Variants in POLR1E observed in about 807,000 individuals in gnomAD.
POLR1E encodes the protein RNA polymerase I subunit E.
Under a neutral mutation model 50.9 loss-of-function variants are expected in POLR1E, and 37 were observed. The observed-to-expected ratio is 0.73, with a 90% confidence interval of 0.56 to 0.96. POLR1E has a LOEUF of 0.96. Among genes scored for constraint, POLR1E ranks in the 40% least tolerant of loss-of-function variants. POLR1E has a pLI of 0.00. For missense variants in POLR1E, 426 were observed against 518.1 expected (o/e 0.82, Z 1.73); for synonymous variants, 166 against 191.6 (o/e 0.87, Z 1.10).
At chr9:37,486,224 G>A (rs1820572167) in intron 1 of POLR1E, 101 bp downstream of exon 1, 4 of 1,419,600 alleles carry the variant, frequency 2.8e-6, no homozygotes, top group Non-Finnish European at 1.9e-6. Context: ...CTCCCCAGCG[G>A]GGCCGGGACC....
At chr9:37,492,962 G>C (rs185726336) in intron 5 of POLR1E, among the ~76,000 whole-genome samples, 15 of 152,268 alleles carry the variant, frequency 9.9e-5, no homozygotes, top group Admixed American at 9.8e-4. Flanking sequence ...CGGTTCTCTG[G>C]GCTGATACAA....
At chr9:37,486,569 G>C (rs766905736) in intron 1 of POLR1E, 134 bp from the exon 2 acceptor site, 2 of 1,604,862 alleles carry the variant, frequency 1.2e-6, no homozygotes, top group Non-Finnish European at 1.7e-6. Context: ...AGTTCCCTTT[G>C]GGTCAGGACC....
chr9:37,486,319 T>C lies in POLR1E; in HGVS notation c.76+196T>C, dbSNP rs943383021. ...ACTACCTCCCAGCCAGATTGGGACATCCCACTCACCCGCTCCCCAGAGCTG... is the reference window on the plus strand; with the variant it reads ...ACTACCTCCCAGCCAGATTGGGACACCCCACTCACCCGCTCCCCAGAGCTG... On this transcript the variant is annotated intron_variant, in intron 1 of 11. Transcript: ENST00000377798. The C allele has an allele frequency of 9.8e-6, 13 of 1,326,482 alleles. No individual in the cohort carries two copies. The African/African-American group carries it at 1.9e-4, about 20-fold the overall frequency. 82.2% of individuals were successfully genotyped at this position (1,326,482 alleles called of 1,614,324 possible). A position where few individuals can be genotyped will look rare whatever the true frequency, so the allele number is the denominator to read the frequency against.
chr9:37,486,555 C>A (rs1820580219), intron 1 of POLR1E, 148 bp from the exon 2 acceptor site: 1 of 1,593,296 alleles, frequency 6.3e-7, no homozygotes, highest in South Asian at 1.1e-5. Flanking sequence ...CCCGGATCTC[C>A]TCCAGTTCCC....
chr9:37,502,892 G>A (rs947969739), intron 11 of POLR1E, 151 bp from the exon 12 acceptor site: 3 of 772,932 alleles, frequency 3.9e-6, no homozygotes, highest in Non-Finnish European at 6.1e-6. Flanking sequence ...GACCTTGCCT[G>A]CCTCTCTGCC....
intron 7 of POLR1E, 28 bp from the exon 8 acceptor site, chr9:37,495,862 T>C (rs554470455): frequency 1.3e-6 from 2 of 1,530,810 alleles, no homozygotes; most frequent in Admixed American, 1.7e-5. Flanking sequence ...TCTATTTTGG[T>C]TGGATTATAT....
rs3739575 is a variant in POLR1E at position 37,492,724 on chromosome 9, G to A, written c.402+9G>A. 159,629 of 1,611,964 alleles carry A rather than the reference G, an allele frequency of 0.099. 8,647 individuals carry two copies. Among genetic ancestry groups the A allele is most frequent in the East Asian group, 0.16 (7,101 of 44,840 alleles). ...AAACTTACAGAGAAAAGGTGAGTGTGATAGAATTAAGATGTGGGACCTTAA... is the reference window on the plus strand; with the variant it reads ...AAACTTACAGAGAAAAGGTGAGTGTAATAGAATTAAGATGTGGGACCTTAA... On this transcript the variant is annotated intron_variant, in intron 5 of 11. Transcript: ENST00000377798.
At chr9:37,496,424 G>A (rs1379833410) in intron 8 of POLR1E, among the ~76,000 whole-genome samples, 1 of 151,954 alleles carries the variant, frequency 6.6e-6, no homozygotes, top group East Asian at 1.9e-4. Context: ...AAATAATTCA[G>A]AGATTATTTC....
chr9:37,487,288 G>A (rs1820594059), intron 2 of POLR1E, among the ~76,000 whole-genome samples: 1 of 152,226 alleles, frequency 6.6e-6, no homozygotes, highest in East Asian at 1.9e-4. Context: ...GCCACGTGGG[G>A]AAGAGTACAG....
chr9:37,496,626 T>TTC (rs1820791346), intron 8 of POLR1E, among the ~76,000 whole-genome samples: 2 of 85,686 alleles, frequency 2.3e-5, no homozygotes, highest in African/African-American at 9.1e-5. Context: ...ATTATTTCTT[T>TTC]TTTTTTTTTT....
intron 5 of POLR1E, among the ~76,000 whole-genome samples, chr9:37,493,230 G>C (rs534842834): frequency 6.6e-6 from 1 of 152,266 alleles, no homozygotes; most frequent in African/African-American, 2.4e-5. Context: ...GTCTGTTACG[G>C]GTGTAAGATG....
At chr9:37,502,607 T>A (rs1820910252) in intron 11 of POLR1E, among the ~76,000 whole-genome samples, 4 of 152,222 alleles carry the variant, frequency 2.6e-5, no homozygotes. Context: ...AACACACCTC[T>A]GTCTGGACTC....
chr9:37,490,776 C>T lies in POLR1E; in HGVS notation c.343+1376C>T, dbSNP rs141942870. On this transcript the variant is annotated intron_variant, in intron 4 of 11. Coordinates refer to ENST00000377798, the MANE Select transcript of POLR1E (RefSeq NM_022490.4). ...ACAGTACCCATTCCCTTGATGTCTA[C>T]GATATCACCTTTCTTATAGATTCAC... The T allele has an allele frequency of 2.7e-3, 1,690 of 632,536 alleles. 21 individuals are homozygous for T. In the African/African-American group the frequency reaches 0.027, roughly 10 times the overall value. The allele number at this position is 632,536 out of a possible 1,614,324, so 39.2% of individuals were successfully genotyped here. A position where few individuals can be genotyped will look rare whatever the true frequency, so the allele number is the denominator to read the frequency against.
chr9:37,485,995 C>T lies in POLR1E; in HGVS notation c.-53C>T, dbSNP rs1027828606. On this transcript the variant is annotated 5_prime_UTR_variant, in exon 1 of 12. Transcript: ENST00000377798. ...CTGGGCTCCCGCGTGTTTAAAAGTG[C>T]GCTTGTGGCTGCTGCTGTCTTAACT... The T allele has an allele frequency of 4.3e-5, 67 of 1,570,318 alleles. No homozygotes were observed. In the South Asian group the frequency reaches 6.9e-4, roughly 16 times the overall value.
Position 37,493,658 on chromosome 9 carries a change from G to A in POLR1E, c.502G>A (p.Val168Met). The A allele has an allele frequency of 6.2e-7, 1 of 1,608,082 alleles. No individual in the cohort carries two copies. Among genetic ancestry groups the A allele is most frequent in the Non-Finnish European group, 8.5e-7 (1 of 1,176,692 alleles). ...TGGCAATGAATCTTTGAATCGTGCAGTGGCTAAAGCTGCAGAGACTATCAT... is the reference window on the plus strand; with the variant it reads ...TGGCAATGAATCTTTGAATCGTGCAATGGCTAAAGCTGCAGAGACTATCAT... Reference protein sequence around the residue: ...RVGNESLNRAVAKAAETIIDT... With the variant: ...RVGNESLNRAMAKAAETIIDT... The change falls in exon 6 of 12, where the codon GTG (valine) becomes ATG (methionine). Residue 168 changes from valine to methionine, a missense_variant. By Grantham distance (21) the Val-to-Met change is conservative. Coordinates refer to ENST00000377798, the MANE Select transcript of POLR1E (RefSeq NM_022490.4).
At chr9:37,499,709 A>G (rs1183797496) in intron 9 of POLR1E, among the ~76,000 whole-genome samples, 1 of 151,342 alleles carries the variant, frequency 6.6e-6, no homozygotes, top group Non-Finnish European at 1.5e-5. Flanking sequence ...TTGTGTTTTT[A>G]GTAGAGACGG....
intron 2 of POLR1E, among the ~76,000 whole-genome samples, chr9:37,487,234 G>A (rs1481639883): frequency 6.6e-6 from 1 of 152,206 alleles, no homozygotes; most frequent in Non-Finnish European, 1.5e-5. Context: ...GCTCTAGAGA[G>A]ATGAGAACTG....
intron 2 of POLR1E, 109 bp downstream of exon 2, chr9:37,486,915 T>C (rs1820588184): frequency 1.5e-6 from 2 of 1,305,932 alleles, no homozygotes; most frequent in East Asian, 4.9e-5. Flanking sequence ...TAGTAGCAAA[T>C]GGAGCTTTGA....
At chr9:37,490,601 G>T (rs1336132244) in intron 4 of POLR1E, 2 of 722,110 alleles carry the variant, frequency 2.8e-6, no homozygotes, top group Admixed American at 3.9e-5. Context: ...AGCTTTCTCG[G>T]CTCTTAGAGT....
Sources: allele counts gnomAD v4.1 joint callset (sites outside exome capture counted in the v4.1 genomes callset), GRCh38; gene constraint gnomAD v4.1.1; transcripts MANE v1.5; gene names NCBI Gene and HGNC (gene_info 2026-07-23, HGNC 2026-07-21).